The following CSNK1D variants were observed in gnomAD, a reference collection of about 807,000 sequenced individuals.
The protein encoded by CSNK1D is casein kinase I isoform delta.
A neutral mutation model predicts 46.6 loss-of-function variants in CSNK1D; 16 were observed. The observed-to-expected ratio is 0.34, with a 90% CI of 0.23 to 0.52. The LOEUF (loss-of-function observed/expected upper bound fraction) is 0.52. Ranked by LOEUF, CSNK1D falls within the 20% of genes least tolerant of loss-of-function variation. CSNK1D has a pLI of 0.95. For synonymous variants in CSNK1D, 276 were observed against 228.2 expected, an observed-to-expected ratio of 1.21 and a Z score of -1.89; for missense variants, 398 against 578.4, an observed-to-expected ratio of 0.69 and a Z score of 3.20.
chr17:82,273,388 G>A lies in CSNK1D; in HGVS notation c.-7C>T, dbSNP rs777916677. 15 of 1,610,728 alleles carry A rather than the reference G, an allele frequency of 9.3e-6. No individual in the cohort carries two copies. Among genetic ancestry groups the A allele is most frequent in the South Asian group, 5.5e-5 (5 of 90,962 alleles). On this transcript the variant is annotated 5_prime_UTR_variant, in exon 1 of 9. Coordinates refer to ENST00000314028, the MANE Select transcript of CSNK1D (RefSeq NM_001893.6). This position sits in a 1 kb window ranked among gnomAD's most constrained non-coding sequence, Gnocchi z 5.1. ...TCCCGACTCTCAGCTCCATGGCGGC[G>A]GCGGCCCGATTCGCTCCTGCCCTCC...
At chr17:82,245,269 G>T in intron 8 of CSNK1D, 2 of 313,104 alleles carry the variant, frequency 6.4e-6, no homozygotes, top group Non-Finnish European at 1.2e-5. Context: ...CGACAGAAGC[G>T]CAAGCCCCTG....
At position 82,264,355 on chromosome 17, in the gene CSNK1D, G is replaced by A. The variant is rs73999829; in HGVS notation, c.187+1331C>T. Among the ~76,000 whole-genome samples the A allele has an allele frequency of 4.0e-3, 616 of 152,324 alleles. 6 individuals carry two copies. The highest frequency in any genetic ancestry group is 0.012 in the East Asian group (64 of 5,184). ...CCGAAGCTCTGCTGTTGAGACACAC[G>A]CTTCATGGCTCTGAAATCCCCGCAG... On this transcript the variant is annotated intron_variant, in intron 2 of 8. Transcript: ENST00000314028.
At position 82,249,940 on chromosome 17, in the gene CSNK1D, G is replaced by A. The variant is rs1040900414; in HGVS notation, c.886-338C>T. The stretch of plus-strand genomic sequence containing the variant: ...TGCTCACTAACACGTGCAGAAAGAG[G>A]AGAGGGACAGGAACCATCGGAGGCC... On this transcript the variant is annotated intron_variant, in intron 6 of 8. Coordinates refer to ENST00000314028, the MANE Select transcript of CSNK1D (RefSeq NM_001893.6). The surrounding 1 kb of genome is among the most constrained non-coding windows in gnomAD (Gnocchi z 6.7). 3.1e-6 allele frequency: 4 copies of A among 1,277,630 alleles called. No homozygotes were observed. The highest frequency in any genetic ancestry group is 1.5e-5 in the South Asian group (1 of 65,820). 79.1% of individuals were successfully genotyped at this position (1,277,630 alleles called of 1,614,324 possible).
chr17:82,246,149 G>A (rs563688202), intron 8 of CSNK1D: 18 of 1,545,418 alleles, frequency 1.2e-5, no homozygotes, highest in African/African-American at 1.1e-4. Flanking sequence ...TCCACAGACC[G>A]ACAGGTGCCA....
Position 82,262,541 on chromosome 17 carries a change from A to C in CSNK1D, c.187+3145T>G, listed in dbSNP as rs7225270. 8.7e-3 allele frequency among the ~76,000 whole-genome samples: 1,319 copies of C among 152,286 alleles called. 22 individuals carry two copies. Among genetic ancestry groups the C allele is most frequent in the African/African-American group, 0.03 (1,252 of 41,552 alleles). On this transcript the variant is annotated intron_variant, in intron 2 of 8. Transcript: ENST00000314028. ...GATCAGAACCTGGCACCACCACTTG[A>C]CTTTCACGTGAAAGGAAGGAAAACC...
Position 82,273,264 on chromosome 17 carries a change from G to A in CSNK1D, c.76+42C>T, listed in dbSNP as rs1188474216. On this transcript the variant is annotated intron_variant, in intron 1 of 8. Coordinates refer to ENST00000314028, the MANE Select transcript of CSNK1D (RefSeq NM_001893.6). The surrounding 1 kb of genome is among the most constrained non-coding windows in gnomAD (Gnocchi z 5.1). ...CGCGCTTGGTCTTGGCAGCCGCAGGGCCCGGGTCTTCGGGCGGCGGGCGGG... is the reference window on the plus strand; with the variant it reads ...CGCGCTTGGTCTTGGCAGCCGCAGGACCCGGGTCTTCGGGCGGCGGGCGGG... The A allele has an allele frequency of 3.2e-6, 5 of 1,574,286 alleles. No homozygotes were observed. In the African/African-American group the frequency reaches 4.3e-5, roughly 13 times the overall value.
At chr17:82,258,330 A>G (rs868807943) in intron 2 of CSNK1D, among the ~76,000 whole-genome samples, 2 of 150,616 alleles carry the variant, frequency 1.3e-5, no homozygotes, top group Non-Finnish European at 1.5e-5. Context: ...AAACCTGAAC[A>G]TATGTGTATA....
chr17:82,240,504 GAGGT>G (rs989422220), downstream of CSNK1D, among the ~76,000 whole-genome samples: 2 of 152,200 alleles, frequency 1.3e-5, no homozygotes, highest in African/African-American at 4.8e-5. Flanking sequence ...TGGGCTTACA[GAGGT>G]ACTGGCAGGG....
chr17:82,245,092 T>G lies in CSNK1D; in HGVS notation c.1198-261A>C, dbSNP rs1599573157. On this transcript the variant is annotated intron_variant, in intron 8 of 8. Transcript: ENST00000314028. ...AGCCGGGCTCGGCAGGGTCGAAGGATCCGAGTGGAGCGGAGACGGGTGCTC... is the reference window on the plus strand; with the variant it reads ...AGCCGGGCTCGGCAGGGTCGAAGGAGCCGAGTGGAGCGGAGACGGGTGCTC... 10 of 600,852 alleles carry G rather than the reference T, an allele frequency of 1.7e-5. No individual in the cohort carries two copies. The East Asian group carries it at 2.8e-4, about 17-fold the overall frequency. 37.2% of individuals were successfully genotyped at this position (600,852 alleles called of 1,614,324 possible). A position where few individuals can be genotyped will look rare whatever the true frequency, so the allele number is the denominator to read the frequency against.
rs2050773736 is a variant in CSNK1D, at chr17:82,243,338, G to C, written c.*1443C>G. The C allele has an allele frequency of 1.4e-5, 14 of 985,552 alleles. No homozygotes were observed. The highest frequency in any genetic ancestry group is 1.6e-5 in the Non-Finnish European group (13 of 830,006). 61.1% of individuals were successfully genotyped at this position (985,552 alleles called of 1,614,324 possible). On this transcript the variant is annotated 3_prime_UTR_variant, in exon 9 of 9. Transcript: ENST00000314028. ...TCCATCGTGATGGGGTCCAGCCGAAGTGCCCACGAACACAGACTGCCCTGC... is the reference window on the plus strand; with the variant it reads ...TCCATCGTGATGGGGTCCAGCCGAACTGCCCACGAACACAGACTGCCCTGC...
chr17:82,252,926 A>G lies in CSNK1D; in HGVS notation c.565+90T>C. ...GGTCTGATGACACGCTTGCAGCCCC[A>G]GCTCCCCGAGAGGCTGGCCTCTCCC... On this transcript the variant is annotated intron_variant, in intron 4 of 8. Transcript: ENST00000314028. The surrounding 1 kb of genome is among the most constrained non-coding windows in gnomAD (Gnocchi z 4.6). 8.2e-7 allele frequency: 1 copy of G among 1,218,566 alleles called. No homozygotes were observed. The highest frequency in any genetic ancestry group is 1.2e-6 in the Non-Finnish European group (1 of 837,508). The allele number at this position is 1,218,566 out of a possible 1,614,324, so 75.5% of individuals were successfully genotyped here. A position where few individuals can be genotyped will look rare whatever the true frequency, so the allele number is the denominator to read the frequency against.
chr17:82,260,699 T>TGACTGATGTGACTGATGGTGTACG (rs2051315315), intron 2 of CSNK1D, among the ~76,000 whole-genome samples: 1 of 148,590 alleles, frequency 6.7e-6, no homozygotes, highest in Non-Finnish European at 1.5e-5. Flanking sequence ...GATGGTGTAC[T>TGACTGATGTGACTGATGGTGTACG]GACTGATGTG....
chr17:82,253,689 AGCT>A (rs2051073788), intron 3 of CSNK1D: 1 of 346,276 alleles, frequency 2.9e-6, no homozygotes. Context: ...CAAGCCAGTG[AGCT>A]GAGCCACCAG....
chr17:82,245,474 G>C (rs1057481202), intron 8 of CSNK1D: 8 of 213,050 alleles, frequency 3.8e-5, no homozygotes, highest in Admixed American at 1.1e-4. Flanking sequence ...AATGAGACAG[G>C]AAGAGAGAGG....
In CSNK1D at chr17:82,253,379, A is replaced by G. The variant is rs1599591276; in HGVS notation, c.337-135T>C. 6 of 804,876 alleles carry G rather than the reference A, an allele frequency of 7.5e-6. No homozygotes were observed. In the East Asian group the frequency reaches 1.5e-4, roughly 20 times the overall value. 49.9% of individuals were successfully genotyped at this position (804,876 alleles called of 1,614,324 possible). A position where few individuals can be genotyped will look rare whatever the true frequency, so the allele number is the denominator to read the frequency against. On this transcript the variant is annotated intron_variant, in intron 3 of 8. Coordinates refer to ENST00000314028, the MANE Select transcript of CSNK1D (RefSeq NM_001893.6). ...CAGCAGGGTAGTTTAACAATTAGCG[A>G]GGGGGATGCCGAACTGACCAAATTG...
At position 82,244,772 on chromosome 17, in the gene CSNK1D, GGA is replaced by G. The variant is rs762193663; in HGVS notation, c.*7_*8del. 23 of 1,613,908 alleles carry G rather than the reference GGA, an allele frequency of 1.4e-5. No individual in the cohort carries two copies. In the Admixed American group the frequency reaches 1.7e-4, roughly 12 times the overall value. On this transcript the variant is annotated 3_prime_UTR_variant, in exon 9 of 9. Coordinates refer to ENST00000314028, the MANE Select transcript of CSNK1D (RefSeq NM_001893.6). ...CATTGTCTGCCCTTCACAGCAATAA[GGA>G]GAGTTCTCATCGGTGCACGACAGAC... is the stretch of plus-strand genomic sequence containing the variant.
intron 2 of CSNK1D, among the ~76,000 whole-genome samples, chr17:82,262,242 T>C (rs1171358181): frequency 6.6e-6 from 1 of 152,224 alleles, no homozygotes; most frequent in Non-Finnish European, 1.5e-5. Context: ...GTGGCCGCCA[T>C]TTCCTTCTCT....
chr17:82,244,492 G>A lies in CSNK1D; in HGVS notation c.*289C>T. ...GGCGGCCACCACTGGAGGGAGCTGA[G>A]GCCCTGGAAAAGGAGTCTGATTCTC... is the stretch of plus-strand genomic sequence containing the variant. On this transcript the variant is annotated 3_prime_UTR_variant, in exon 9 of 9. Coordinates refer to ENST00000314028, the MANE Select transcript of CSNK1D (RefSeq NM_001893.6). 2 of 1,398,844 alleles carry A rather than the reference G, an allele frequency of 1.4e-6. No individual in the cohort carries two copies. The highest frequency in any genetic ancestry group is 1.9e-6 in the Non-Finnish European group (2 of 1,073,430). The allele number at this position is 1,398,844 out of a possible 1,614,324, so 86.7% of individuals were successfully genotyped here. A position where few individuals can be genotyped will look rare whatever the true frequency, so the allele number is the denominator to read the frequency against.
chr17:82,256,903 T>C (rs2051188653), intron 2 of CSNK1D, among the ~76,000 whole-genome samples: 1 of 152,226 alleles, frequency 6.6e-6, no homozygotes, highest in African/African-American at 2.4e-5. Flanking sequence ...GATTTTTAGT[T>C]TAGTCTTAAA....
Sources: allele counts gnomAD v4.1 joint callset (sites outside exome capture counted in the v4.1 genomes callset), GRCh38; gene constraint gnomAD v4.1.1; non-coding constraint Gnocchi (gnomAD v3.1); transcripts MANE v1.5; gene names NCBI Gene and HGNC (gene_info 2026-07-23, HGNC 2026-07-21).